DHX15: variants seen among roughly 807,000 people sequenced by gnomAD.
DHX15 encodes the protein DEAH-box helicase 15, also known as ATP-dependent RNA helicase DHX15.
DHX15 carries 11 observed loss-of-function variants against 94.4 expected under a neutral mutation model. The observed-to-expected ratio is 0.12, with a 90% CI of 0.07 to 0.19. The LOEUF is 0.19. Among genes scored for constraint, DHX15 ranks in the 10% least tolerant of loss-of-function variants. DHX15 has a pLI of 1.00. For missense variants in DHX15, 304 were observed against 988.5 expected, an observed-to-expected ratio of 0.31 and a Z score of 9.29; for synonymous variants, 338 against 329.9, an observed-to-expected ratio of 1.02 and a Z score of -0.27.
At chr4:24,558,616 C>T (rs1721794182) in intron 3 of DHX15, among the ~76,000 whole-genome samples, 1 of 152,020 alleles carries the variant, frequency 6.6e-6, no homozygotes, top group Non-Finnish European at 1.5e-5. Flanking sequence ...AGACAATTCC[C>T]AATGGTTCCT....
intron 5 of DHX15, among the ~76,000 whole-genome samples, chr4:24,549,353 G>A (rs925736848): frequency 2.0e-5 from 3 of 152,038 alleles, no homozygotes; most frequent in South Asian, 2.1e-4. Flanking sequence ...ATGCACTCAC[G>A]ACCTTTTCAA....
chr4:24,528,288 A>G (rs1247213859), intron 13 of DHX15, among the ~76,000 whole-genome samples: 1 of 152,230 alleles, frequency 6.6e-6, no homozygotes, highest in African/African-American at 2.4e-5. Flanking sequence ...CAAACCCCTC[A>G]AGATACATTA....
intron 3 of DHX15, chr4:24,563,376 C>T (rs1021375866): frequency 6.6e-5 from 10 of 152,282 alleles, no homozygotes; most frequent in African/African-American, 2.2e-4. Flanking sequence ...TAGCACACTA[C>T]ATCCCGGAAC....
At chr4:24,529,544 G>A (rs2109390402) in intron 13 of DHX15, 57 bp downstream of exon 13, 2 of 1,483,154 alleles carry the variant, frequency 1.3e-6, no homozygotes, top group Non-Finnish European at 1.9e-6. Context: ...GCAACAGTCA[G>A]GTTCCATTTT....
intron 3 of DHX15, 27 bp downstream of exon 3, chr4:24,570,627 A>C: frequency 6.2e-7 from 1 of 1,607,264 alleles, no homozygotes; most frequent in Non-Finnish European, 8.5e-7. Flanking sequence ...AGAGGACTAA[A>C]AGCGTCATTA....
At chr4:24,569,914 A>C (rs1722083934) in intron 3 of DHX15, among the ~76,000 whole-genome samples, 1 of 152,258 alleles carries the variant, frequency 6.6e-6, no homozygotes, top group Non-Finnish European at 1.5e-5. Flanking sequence ...GGGAATAAAC[A>C]GGCATATGCC....
At chr4:24,573,306 T>C (rs549564546) in intron 2 of DHX15, among the ~76,000 whole-genome samples, 91 of 152,366 alleles carry the variant, frequency 6.0e-4, no homozygotes, top group African/African-American at 2.1e-3. Context: ...TCTAGTCTTC[T>C]TGTTTTACAT....
At chr4:24,569,196 T>C (rs1402148687) in intron 3 of DHX15, among the ~76,000 whole-genome samples, 1 of 152,148 alleles carries the variant, frequency 6.6e-6, no homozygotes, top group Non-Finnish European at 1.5e-5. Context: ...TAAGACTGCT[T>C]CGAAATAACA....
At chr4:24,565,786 T>G (rs147591941) in intron 3 of DHX15, among the ~76,000 whole-genome samples, 2 of 152,314 alleles carry the variant, frequency 1.3e-5, no homozygotes, top group East Asian at 3.9e-4. Context: ...TCAGCAATGC[T>G]GACTGATGCA....
chr4:24,542,010 G>T lies in DHX15; in HGVS notation c.1348C>A (p.Arg450=), dbSNP rs763114107. ...ACCAAAAGGGACTCAACTCTGATTC[G>T]AGGATTGTAGACCTATTGGAATTGA... ...GFAKQKVYNP[R]IRVESLLVTA... The change falls in exon 8 of 14, where the codon CGA becomes AGA. Residue 450 remains arginine, a synonymous_variant. Transcript: ENST00000336812. 1 of 1,608,738 alleles carries T rather than the reference G, an allele frequency of 6.2e-7. No individual in the cohort carries two copies. The highest frequency in any genetic ancestry group is 2.2e-5 in the East Asian group (1 of 44,760).
rs546588185 is a variant in DHX15, at chr4:24,557,307, A to C, written c.702-897T>G. Among the ~76,000 whole-genome samples, 33 of 152,294 alleles carry C rather than the reference A, an allele frequency of 2.2e-4. No homozygotes were observed. The East Asian group carries it at 6.4e-3, about 29-fold the overall frequency. Reference sequence around the variant, plus strand: ...AACACAGGATGCCTTTAGATGCTTAAGTCACAGCTCATCCAGTTAGATAAA... The same window carrying C: ...AACACAGGATGCCTTTAGATGCTTACGTCACAGCTCATCCAGTTAGATAAA... On this transcript the variant is annotated intron_variant, in intron 3 of 13. Coordinates refer to ENST00000336812, the MANE Select transcript of DHX15 (RefSeq NM_001358.3).
intron 1 of DHX15, among the ~76,000 whole-genome samples, chr4:24,582,406 CA>C (rs1722435712): frequency 6.6e-6 from 1 of 152,200 alleles, no homozygotes; most frequent in Non-Finnish European, 1.5e-5. Flanking sequence ...ATCGCACATA[CA>C]TATGGTGGGA....
At chr4:24,539,700 T>G (rs531575658) in intron 10 of DHX15, 6 of 153,094 alleles carry the variant, frequency 3.9e-5, no homozygotes, top group African/African-American at 1.4e-4. Flanking sequence ...CTCAACTTAA[T>G]GTATAGCTTT....
At chr4:24,583,785 C>T (rs926285251) in intron 1 of DHX15, among the ~76,000 whole-genome samples, 1 of 152,138 alleles carries the variant, frequency 6.6e-6, no homozygotes, top group African/African-American at 2.4e-5. Flanking sequence ...ACTCCCGCCA[C>T]CCCCATCCCA....
chr4:24,542,926 C>CA lies in DHX15; in HGVS notation c.1335+13dup. ...AACCAACTCTAATTTATAAAGTATC[C>CA]ACTAAATATGTACCTTCTGTTTCGC... On this transcript the variant is annotated intron_variant, in intron 7 of 13. Transcript: ENST00000336812. 6.3e-7 allele frequency: 1 copy of CA among 1,592,796 alleles called. No homozygotes were observed. Among genetic ancestry groups the CA allele is most frequent in the Non-Finnish European group, 8.6e-7 (1 of 1,161,866 alleles).
At chr4:24,570,934 G>A in intron 2 of DHX15, 87 bp from the exon 3 acceptor site, 1 of 1,348,168 alleles carries the variant, frequency 7.4e-7, no homozygotes, top group Non-Finnish European at 1.0e-6. Context: ...TCATTCTAAT[G>A]ATTTAAAACC....
Position 24,549,031 on chromosome 4 carries a change from TA to T in DHX15, c.1081-10del. ...CAGGCTTCATCAATTTCCTACAAAATAAAAGTGAGTCTAAAAACGAATACTG... is the reference window on the plus strand; with the variant it reads ...CAGGCTTCATCAATTTCCTACAAAATAAAGTGAGTCTAAAAACGAATACTG... On this transcript the variant is annotated splice_polypyrimidine_tract_variant and intron_variant, in intron 5 of 13. Coordinates refer to ENST00000336812, the MANE Select transcript of DHX15 (RefSeq NM_001358.3). 1 of 1,602,870 alleles carries T rather than the reference TA, an allele frequency of 6.2e-7. No homozygotes were observed. The highest frequency in any genetic ancestry group is 8.5e-7 in the Non-Finnish European group (1 of 1,174,950).
intron 3 of DHX15, among the ~76,000 whole-genome samples, chr4:24,557,026 G>A (rs1314964416): frequency 2.6e-5 from 4 of 152,076 alleles, no homozygotes; most frequent in African/African-American, 7.2e-5. Context: ...ATACATAAAT[G>A]GAAGATAAAA....
chr4:24,556,610 G>T (rs568910478), intron 3 of DHX15, among the ~76,000 whole-genome samples, 200 bp from the exon 4 acceptor site: 16 of 152,218 alleles, frequency 1.1e-4, no homozygotes, highest in African/African-American at 3.4e-4. Context: ...AACAAGATAT[G>T]CTTCATCAAT....
Sources: allele counts gnomAD v4.1 joint callset (sites outside exome capture counted in the v4.1 genomes callset), GRCh38; gene constraint gnomAD v4.1.1; transcripts MANE v1.5; gene names NCBI Gene and HGNC (gene_info 2026-07-23, HGNC 2026-07-21).